Variants in ITPR1 observed in about 807,000 individuals in gnomAD.
ITPR1 encodes the protein inositol 1,4,5-trisphosphate-gated calcium channel ITPR1.
In ITPR1, 96 loss-of-function variants were observed where a neutral mutation model predicts 318.4. That is an observed-to-expected ratio of 0.30 (90% CI 0.26 to 0.36). ITPR1 has a LOEUF of 0.36. Ranked by LOEUF, ITPR1 falls within the 10% of genes least tolerant of loss-of-function variation. ITPR1 has a pLI of 1.00. For missense variants in ITPR1, 2,440 were observed against 3,460.2 expected (o/e 0.71, Z 7.40); for synonymous variants, 1,312 against 1,289.9 (o/e 1.02, Z -0.37).
At chr3:4,684,391 T>G in intron 29 of ITPR1, 45 bp downstream of exon 29, 1 of 1,369,766 alleles carries the variant, frequency 7.3e-7, no homozygotes, top group South Asian at 1.2e-5. Flanking sequence ...TTATGAATTC[T>G]CTAAGGAGCT....
intron 24 of ITPR1, among the ~76,000 whole-genome samples, chr3:4,677,722 A>C (rs1213870213): frequency 6.6e-6 from 1 of 152,162 alleles, no homozygotes; most frequent in East Asian, 1.9e-4. Context: ...TTTTTGTTGT[A>C]ATATTTTTTA....
intron 10 of ITPR1, among the ~76,000 whole-genome samples, chr3:4,650,207 T>A (rs1307121705): frequency 5.3e-5 from 8 of 152,152 alleles, no homozygotes; most frequent in Non-Finnish European, 1.0e-4. Flanking sequence ...ATATGCAACT[T>A]TTTATGTGGA....
intron 4 of ITPR1, among the ~76,000 whole-genome samples, chr3:4,580,881 C>T (rs967548004): frequency 6.6e-6 from 1 of 151,994 alleles, no homozygotes; most frequent in African/African-American, 2.4e-5. Context: ...GTAAGAGTAA[C>T]GTCAGGCAGG....
At chr3:4,688,378 A>G (rs1416915915) in intron 30 of ITPR1, 117 bp from the exon 31 acceptor site, 2 of 1,251,590 alleles carry the variant, frequency 1.6e-6, no homozygotes, top group South Asian at 1.4e-5. Flanking sequence ...ATATTTACCC[A>G]CAACAGGTCC....
At position 4,779,721 on chromosome 3, in the gene ITPR1, T is replaced by C. The variant is rs1443604141; in HGVS notation, c.6387+76T>C. ...ATTTGGGACAGAGCAGAGGATCTGC[T>C]TCCTGGAGCTTTCTTGAAGGTTCCC... is the stretch of plus-strand genomic sequence containing the variant. On this transcript the variant is annotated intron_variant, in intron 49 of 61. Coordinates refer to ENST00000649015, the MANE Select transcript of ITPR1 (RefSeq NM_001378452.1). The surrounding 1 kb of genome is among the most constrained non-coding windows in gnomAD (Gnocchi z 4.0). 18 of 1,008,202 alleles carry C rather than the reference T, an allele frequency of 1.8e-5. No individual in the cohort carries two copies. The East Asian group carries it at 3.7e-4, about 21-fold the overall frequency. The allele number at this position is 1,008,202 out of a possible 1,614,324, so 62.5% of individuals were successfully genotyped here. A position where few individuals can be genotyped will look rare whatever the true frequency, so the allele number is the denominator to read the frequency against.
rs77403831 is a variant in ITPR1, at chr3:4,679,332, G to A, written c.2968-1221G>A. 4.6e-3 allele frequency among the ~76,000 whole-genome samples: 704 copies of A among 152,304 alleles called. 5 individuals are homozygous for A. Among genetic ancestry groups the A allele is most frequent in the Non-Finnish European group, 6.7e-3 (455 of 68,032 alleles). On this transcript the variant is annotated intron_variant, in intron 24 of 61. Coordinates refer to ENST00000649015, the MANE Select transcript of ITPR1 (RefSeq NM_001378452.1). ...ATGGGAATTGGCCTCACGCAGTTAC[G>A]GAGGCCGAGAAGTCCCCCAGTCTGC...
chr3:4,752,629 C>T (rs909280917), intron 44 of ITPR1, among the ~76,000 whole-genome samples: 1 of 152,212 alleles, frequency 6.6e-6, no homozygotes. Flanking sequence ...TTCGGAATTG[C>T]ACCTCCTTCA....
intron 12 of ITPR1, among the ~76,000 whole-genome samples, chr3:4,656,846 G>T (rs763437123): frequency 6.6e-5 from 10 of 152,232 alleles, no homozygotes; most frequent in Non-Finnish European, 1.2e-4. Context: ...GGTGGAGGCT[G>T]TCATCCTGCA....
rs766611459 is a variant in ITPR1, at chr3:4,675,173, A to T, written c.2704A>T (p.Thr902Ser). The T allele has an allele frequency of 1.9e-6, 3 of 1,611,566 alleles. No homozygotes were observed. In the South Asian group the frequency reaches 3.3e-5, roughly 18 times the overall value. ...LLAILDCVHV[T>S]TIFPISKMAK... is the part of the protein sequence containing the mutation. Reference sequence around the variant, plus strand: ...GGCCATATTGGACTGTGTACATGTGACAACAATCTTCCCCATTAGCAAGAT... The same window carrying T: ...GGCCATATTGGACTGTGTACATGTGTCAACAATCTTCCCCATTAGCAAGAT... The change falls in exon 23 of 62, where the codon ACA (threonine) becomes TCA (serine). Residue 902 changes from threonine to serine, a missense_variant. This residue lies in a region of ITPR1 where 478 missense variants were observed against 696.3 expected (regional missense o/e 0.69). Coordinates refer to ENST00000649015, the MANE Select transcript of ITPR1 (RefSeq NM_001378452.1).
Position 4,710,439 on chromosome 3 carries a change from A to C in ITPR1, c.4957A>C (p.Arg1653=). Residue 1653 remains arginine (R), a synonymous_variant, in exon 38 of 62, where the codon AGA becomes CGA. Coordinates refer to ENST00000649015, the MANE Select transcript of ITPR1 (RefSeq NM_001378452.1). This position sits in a 1 kb window ranked among gnomAD's most constrained non-coding sequence, Gnocchi z 4.2. ...ELLFPENTDA[R]RKCESGGFIC... is the part of the protein sequence containing the mutation. ...GCTTTTCCCAGAGAACACAGACGCC[A>C]GAAGGAAATGTGAAAGTGGCGGTTT... 1.9e-6 allele frequency: 3 copies of C among 1,554,272 alleles called. No individual in the cohort carries two copies. The highest frequency in any genetic ancestry group is 2.6e-6 in the Non-Finnish European group (3 of 1,148,236).
At chr3:4,580,056 A>C (rs1335612380) in intron 4 of ITPR1, among the ~76,000 whole-genome samples, 1 of 152,052 alleles carries the variant, frequency 6.6e-6, no homozygotes, top group Non-Finnish European at 1.5e-5. Flanking sequence ...TAAAAATACA[A>C]AAAATTAGCT....
rs2094143515 is a variant in ITPR1 at position 4,674,284 on chromosome 3, G to A, written c.2539G>A (p.Asp847Asn). The change falls in exon 22 of 62, where the codon GAT (aspartate) becomes AAT (asparagine). Residue 847 changes from aspartate (D) to asparagine (N), a missense_variant. Transcript: ENST00000649015. ...TMEFVEEYLRDVVCQRFPFSD... is the reference protein window; with the variant it reads ...TMEFVEEYLRNVVCQRFPFSD... ...GGAGTTTGTGGAGGAGTATTTAAGA[G>A]ATGTGGTTTGTCAGAGGTTCCCTTT... 1 of 1,598,896 alleles carries A rather than the reference G, an allele frequency of 6.3e-7. No homozygotes were observed. The highest frequency in any genetic ancestry group is 8.5e-7 in the Non-Finnish European group (1 of 1,171,602).
intron 44 of ITPR1, among the ~76,000 whole-genome samples, chr3:4,744,905 CT>C: frequency 2.0e-4 from 1 of 4,942 alleles, no homozygotes; most frequent in East Asian, 0.033. Flanking sequence ...TCCCTCCTTC[CT>C]TCCTTCCTTC....
At chr3:4,590,383 G>T (rs2090295437) in intron 4 of ITPR1, among the ~76,000 whole-genome samples, 5 of 151,616 alleles carry the variant, frequency 3.3e-5, no homozygotes, top group Admixed American at 3.3e-4. Flanking sequence ...TATTTATGAT[G>T]AATGAGAGTA....
At chr3:4,827,554 C>T (rs1431664797) in intron 60 of ITPR1, among the ~76,000 whole-genome samples, 1 of 152,178 alleles carries the variant, frequency 6.6e-6, no homozygotes, top group Non-Finnish European at 1.5e-5. Context: ...GAAAGCTATA[C>T]AAGGTGAACT....
intron 32 of ITPR1, among the ~76,000 whole-genome samples, chr3:4,691,663 C>CG (rs2094480386): frequency 6.6e-6 from 1 of 151,920 alleles, no homozygotes; most frequent in Admixed American, 6.6e-5. Context: ...TGAGCCAGAA[C>CG]GCTTCCATTC....
At chr3:4,605,829 G>T (rs771037033) in intron 4 of ITPR1, among the ~76,000 whole-genome samples, 1 of 152,120 alleles carries the variant, frequency 6.6e-6, no homozygotes, top group Non-Finnish European at 1.5e-5. Flanking sequence ...GGCCTTTCCT[G>T]GTCTTCTGGT....
chr3:4,638,545 T>A (rs528154590), intron 5 of ITPR1, among the ~76,000 whole-genome samples: 1 of 152,244 alleles, frequency 6.6e-6, no homozygotes, highest in Admixed American at 6.5e-5. Context: ...CCAGTCTCAT[T>A]TGTGACTATA....
intron 14 of ITPR1, 33 bp from the exon 15 acceptor site, chr3:4,662,049 A>C: frequency 6.3e-7 from 1 of 1,594,070 alleles, no homozygotes; most frequent in Non-Finnish European, 8.6e-7. Context: ...CCCATCCAAG[A>C]GATTATCTCA....
Sources: gnomAD v4.1 joint callset for allele counts (sites outside exome capture counted in the v4.1 genomes callset) on GRCh38, gnomAD v4.1.1 for gene constraint, gnomAD v4.1.1 regional missense constraint, Gnocchi (gnomAD v3.1) non-coding constraint, MANE v1.5 for transcripts, NCBI Gene and HGNC (gene_info 2026-07-23, HGNC 2026-07-21) for gene names.